The following B4GALT6 variants were observed in gnomAD, a reference collection of about 807,000 sequenced individuals.
B4GALT6 encodes UDP-Gal:beta-GlcNAc beta-1,4-galactosyltransferase 6.
A neutral mutation model predicts 46.3 loss-of-function variants in B4GALT6; 14 were observed. The observed-to-expected ratio is 0.30, with a 90% confidence interval of 0.20 to 0.47. B4GALT6 has a LOEUF of 0.47. Ranked by LOEUF, B4GALT6 falls within the 20% of genes least tolerant of loss-of-function variation. The pLI is 0.99. For missense variants in B4GALT6, 386 were observed against 480.1 expected, an observed-to-expected ratio of 0.80 and a Z score of 1.83; for synonymous variants, 168 against 162.0, an observed-to-expected ratio of 1.04 and a Z score of -0.28.
At chr18:31,637,413 G>A (rs1294549766) in intron 5 of B4GALT6, among the ~76,000 whole-genome samples, 2 of 133,156 alleles carry the variant, frequency 1.5e-5, no homozygotes, top group African/African-American at 5.7e-5. Context: ...TTTTTGACCT[G>A]TCAGTTCAAT....
At chr18:31,638,602 G>T in intron 5 of B4GALT6, 42 bp downstream of exon 5, 2 of 1,409,166 alleles carry the variant, frequency 1.4e-6, no homozygotes, top group South Asian at 2.3e-5. Flanking sequence ...TAAGAGTTTA[G>T]ATTCTAGTAT....
rs537591211 is a variant in B4GALT6 at position 31,638,814 on chromosome 18, G to A, written c.472-54C>T. Reference sequence around the variant, plus strand: ...ATAAATATATCTACCACATCCTAGAGGTAAGGATAAAAATCAATCCTTGAA... The same window carrying A: ...ATAAATATATCTACCACATCCTAGAAGTAAGGATAAAAATCAATCCTTGAA... On this transcript the variant is annotated intron_variant, in intron 4 of 8. Coordinates refer to ENST00000306851, the MANE Select transcript of B4GALT6 (RefSeq NM_004775.5). The A allele has an allele frequency of 2.9e-5, 41 of 1,401,594 alleles. No individual in the cohort carries two copies. In the African/African-American group the frequency reaches 5.2e-4, roughly 18 times the overall value. The allele number at this position is 1,401,594 out of a possible 1,614,324, so 86.8% of individuals were successfully genotyped here. A position where few individuals can be genotyped will look rare whatever the true frequency, so the allele number is the denominator to read the frequency against.
intron 5 of B4GALT6, 66 bp downstream of exon 5, chr18:31,638,578 A>AATCT: frequency 7.9e-7 from 1 of 1,266,316 alleles, no homozygotes; most frequent in African/African-American, 1.5e-5. Context: ...AAATATGTTT[A>AATCT]ATCTAACCAT....
chr18:31,673,800 TTTC>T (rs1292700741), intron 1 of B4GALT6, among the ~76,000 whole-genome samples: 1 of 152,182 alleles, frequency 6.6e-6, no homozygotes, highest in Non-Finnish European at 1.5e-5. Flanking sequence ...GAAAGGGGTC[TTTC>T]CAGATGCAAT....
chr18:31,648,510 G>A (rs983987038), intron 3 of B4GALT6, among the ~76,000 whole-genome samples: 4 of 152,264 alleles, frequency 2.6e-5, no homozygotes, highest in Non-Finnish European at 2.9e-5. Context: ...CCTTCCAGTC[G>A]TGTGTGCCAA....
At chr18:31,684,764 G>T, upstream of B4GALT6, 1 of 1,083,324 alleles carries the variant, frequency 9.2e-7, no homozygotes. Flanking sequence ...AAGCAGCGGC[G>T]GGAGGAGGGG....
chr18:31,668,977 C>A (rs1210937168), intron 1 of B4GALT6, among the ~76,000 whole-genome samples: 2 of 151,162 alleles, frequency 1.3e-5, no homozygotes, highest in Non-Finnish European at 2.9e-5. Flanking sequence ...GACTGCGCCA[C>A]TGCACTCTAG....
At chr18:31,638,573 T>C (rs985833638) in intron 5 of B4GALT6, 71 bp downstream of exon 5, 25 of 1,212,674 alleles carry the variant, frequency 2.1e-5, no homozygotes, top group Non-Finnish European at 2.8e-5. Flanking sequence ...ATCCTAAATA[T>C]GTTTAATCTA....
chr18:31,638,418 T>G (rs565356500), intron 5 of B4GALT6, among the ~76,000 whole-genome samples: 1 of 152,006 alleles, frequency 6.6e-6, no homozygotes, highest in Non-Finnish European at 1.5e-5. Context: ...TCCCAGCTAC[T>G]TGGGAGGCTG....
intron 4 of B4GALT6, among the ~76,000 whole-genome samples, chr18:31,643,859 C>T (rs1454920148): frequency 3.3e-5 from 5 of 152,200 alleles, no homozygotes; most frequent in African/African-American, 1.2e-4. Flanking sequence ...GTGCTACATT[C>T]TGTACAAACA....
rs138921675 is a variant in B4GALT6 at position 31,662,702 on chromosome 18, A to G, written c.232+3554T>C. On this transcript the variant is annotated intron_variant, in intron 2 of 8. Transcript: ENST00000306851. Reference sequence around the variant, plus strand: ...TAAAAATACAAAAAATTAGCCAGGCATGGTGGCGGGCGCCTGTAGTCCCAC... The same window carrying G: ...TAAAAATACAAAAAATTAGCCAGGCGTGGTGGCGGGCGCCTGTAGTCCCAC... Among the ~76,000 whole-genome samples, 844 of 152,244 alleles carry G rather than the reference A, an allele frequency of 5.5e-3. 5 individuals carry two copies. The highest frequency in any genetic ancestry group is 0.019 in the African/African-American group (777 of 41,568).
intron 5 of B4GALT6, among the ~76,000 whole-genome samples, chr18:31,635,520 A>G (rs1028090463): frequency 1.3e-5 from 2 of 152,230 alleles, no homozygotes; most frequent in African/African-American, 4.8e-5. Flanking sequence ...TTAAATACCA[A>G]GCATTTCCAC....
chr18:31,700,782 A>G, the B4GALT6 span, among the ~76,000 whole-genome samples: 1 of 152,034 alleles, frequency 6.6e-6, no homozygotes, highest in Non-Finnish European at 1.5e-5. Context: ...TAGTTAGACT[A>G]CAAGGATGAC....
the B4GALT6 span, among the ~76,000 whole-genome samples, chr18:31,693,070 T>C: frequency 6.6e-6 from 1 of 152,240 alleles, no homozygotes; most frequent in African/African-American, 2.4e-5. Context: ...TCCTCAAATA[T>C]TTCCTTAAAA....
rs963181183 is a variant in B4GALT6, at chr18:31,678,813, G to A, written c.115+5499C>T. On this transcript the variant is annotated intron_variant, in intron 1 of 8. Transcript: ENST00000306851. ...ATGCCCAAGTTTCCCCTGGCCTTGG[G>A]CCCTTGGACAGGGGGGCAAACGCAA... 9.2e-5 allele frequency among the ~76,000 whole-genome samples: 14 copies of A among 152,350 alleles called. No homozygotes were observed. In the East Asian group the frequency reaches 2.1e-3, roughly 23 times the overall value.
chr18:31,677,929 C>A (rs2074432912), intron 1 of B4GALT6, among the ~76,000 whole-genome samples: 1 of 152,096 alleles, frequency 6.6e-6, no homozygotes, highest in South Asian at 2.1e-4. Context: ...CCTAGGAAAC[C>A]CAAGCTCTAG....
chr18:31,698,642 A>G, the B4GALT6 span, among the ~76,000 whole-genome samples: 1 of 152,154 alleles, frequency 6.6e-6, no homozygotes, highest in Non-Finnish European at 1.5e-5. Context: ...AAAGAAAAAA[A>G]AAAAAGGAAA....
intron 4 of B4GALT6, among the ~76,000 whole-genome samples, chr18:31,639,921 C>T (rs762957182): frequency 6.6e-6 from 1 of 152,126 alleles, no homozygotes; most frequent in Non-Finnish European, 1.5e-5. Context: ...CAATCTAGAT[C>T]TCCTTATAAT....
rs116515154 is a variant in B4GALT6 at position 31,665,671 on chromosome 18, G to A, written c.232+585C>T. ...GCGTGAGAATGGCGTGAACCTGGTAGATGGAGCTTGCAGTGAGCCAAGATT... is the reference window on the plus strand; with the variant it reads ...GCGTGAGAATGGCGTGAACCTGGTAAATGGAGCTTGCAGTGAGCCAAGATT... On this transcript the variant is annotated intron_variant, in intron 2 of 8. Transcript: ENST00000306851. Among the ~76,000 whole-genome samples, 996 of 152,342 alleles carry A rather than the reference G, an allele frequency of 6.5e-3. 11 individuals carry two copies. Among genetic ancestry groups the A allele is most frequent in the African/African-American group, 0.023 (954 of 41,578 alleles).
Sources: allele counts gnomAD v4.1 joint callset (sites outside exome capture counted in the v4.1 genomes callset), GRCh38; gene constraint gnomAD v4.1.1; transcripts MANE v1.5; gene names NCBI Gene and HGNC (gene_info 2026-07-23, HGNC 2026-07-21).